MEIKIN: variants seen among roughly 807,000 people sequenced by gnomAD.
MEIKIN encodes the protein meiosis-specific kinetochore protein.
intron 8 of MEIKIN, among the ~76,000 whole-genome samples, chr5:131,891,495 C>A (rs1184621332): frequency 2.0e-5 from 3 of 152,126 alleles, no homozygotes; most frequent in Non-Finnish European, 4.4e-5. Flanking sequence ...CTCTTTTGAT[C>A]TTTGTTGGTT....
At chr5:131,892,048 C>G (rs1750932424) in intron 8 of MEIKIN, among the ~76,000 whole-genome samples, 1 of 152,128 alleles carries the variant, frequency 6.6e-6, no homozygotes, top group East Asian at 1.9e-4. Context: ...TTGGCCCCCA[C>G]TCTCTTCTGG....
At chr5:131,812,396 A>G (rs995556173) in intron 12 of MEIKIN, among the ~76,000 whole-genome samples, 1 of 152,184 alleles carries the variant, frequency 6.6e-6, no homozygotes. Context: ...TTGGTGACAC[A>G]TATATACATT....
intron 5 of MEIKIN, among the ~76,000 whole-genome samples, chr5:131,928,952 C>A (rs116695364): frequency 0.018 from 2,684 of 152,304 alleles, 55 homozygotes; most frequent in African/African-American, 0.046. Flanking sequence ...TGAGTTTCAA[C>A]TTAAATAATT....
intron 8 of MEIKIN, among the ~76,000 whole-genome samples, chr5:131,883,026 G>C (rs181959646): frequency 1.2e-3 from 185 of 152,048 alleles, no homozygotes; most frequent in African/African-American, 4.4e-3. Flanking sequence ...TCTATTTGAC[G>C]TTATATATTT....
At chr5:131,825,731 G>A (rs940342168) in intron 11 of MEIKIN, among the ~76,000 whole-genome samples, 1 of 152,214 alleles carries the variant, frequency 6.6e-6, no homozygotes, top group Non-Finnish European at 1.5e-5. Context: ...ACATTCCTAA[G>A]AAGCAGAATA....
At chr5:131,845,167 C>T (rs1407492632) in intron 11 of MEIKIN, among the ~76,000 whole-genome samples, 1 of 148,998 alleles carries the variant, frequency 6.7e-6, no homozygotes, top group Non-Finnish European at 1.5e-5. Context: ...CTACTCCAGA[C>T]ACTGAGGCAG....
rs925958296 is a variant in MEIKIN, at chr5:131,807,016, T to C, written c.*220A>G. 15 of 352,162 alleles carry C rather than the reference T, an allele frequency of 4.3e-5. No individual in the cohort carries two copies. Among genetic ancestry groups the C allele is most frequent in the Non-Finnish European group, 7.1e-5 (14 of 198,226 alleles). The allele number at this position is 352,162 out of a possible 1,614,324, so 21.8% of individuals were successfully genotyped here. On this transcript the variant is annotated 3_prime_UTR_variant, in exon 13 of 13. Transcript: ENST00000442687. ...TTGGTTCTTTATCTTTTAATATAAA[T>C]ACATATATTTAAGAAGCATATGGAA...
intron 10 of MEIKIN, among the ~76,000 whole-genome samples, chr5:131,853,302 G>T (rs1260540593): frequency 6.6e-6 from 1 of 152,168 alleles, no homozygotes; most frequent in Non-Finnish European, 1.5e-5. Context: ...ATGCATAAGT[G>T]CTGTTACAAA....
chr5:131,851,280 T>C lies in MEIKIN; in HGVS notation c.959A>G (p.Glu320Gly), dbSNP rs1278388305. The change falls in exon 11 of 13, where the codon GAA becomes GGA. Residue 320 changes from glutamate to glycine, a missense_variant. Coordinates refer to ENST00000442687, the MANE Select transcript of MEIKIN (RefSeq NM_001303622.2). ...AAATACTACCTCATTTGAAGAATTT[T>C]CCTGCAAACTTGACACAGGAACAAT... Reference protein sequence around the residue: ...NEIVPVSSLQENSSNEFPANA... With the variant: ...NEIVPVSSLQGNSSNEFPANA... 2.5e-6 allele frequency: 1 copy of C among 398,056 alleles called. No individual in the cohort carries two copies. Among genetic ancestry groups the C allele is most frequent in the African/African-American group, 2.1e-5 (1 of 48,602 alleles). The allele number at this position is 398,056 out of a possible 1,614,324, so 24.7% of individuals were successfully genotyped here. A position where few individuals can be genotyped will look rare whatever the true frequency, so the allele number is the denominator to read the frequency against.
intron 9 of MEIKIN, among the ~76,000 whole-genome samples, chr5:131,858,582 T>C (rs1262409102): frequency 2.6e-5 from 4 of 152,090 alleles, no homozygotes; most frequent in Non-Finnish European, 4.4e-5. Flanking sequence ...AATTGACAAA[T>C]GGGACCTAAT....
At chr5:131,936,440 T>C (rs867496631) in intron 4 of MEIKIN, among the ~76,000 whole-genome samples, 49 of 152,374 alleles carry the variant, frequency 3.2e-4, no homozygotes, top group Middle Eastern at 3.4e-3. Flanking sequence ...ATTATGACTA[T>C]TCAAATATAC....
chr5:131,898,451 T>G (rs931311621), intron 8 of MEIKIN, among the ~76,000 whole-genome samples: 6 of 152,238 alleles, frequency 3.9e-5, no homozygotes, highest in African/African-American at 1.4e-4. Flanking sequence ...ACTGCTGCTC[T>G]CTTCAGAGCT....
intron 7 of MEIKIN, among the ~76,000 whole-genome samples, chr5:131,915,677 A>G (rs1471593230): frequency 1.3e-5 from 2 of 152,212 alleles, no homozygotes; most frequent in African/African-American, 4.8e-5. Context: ...GAGATTCAGC[A>G]TTTACCCAAA....
At chr5:131,903,639 C>G (rs1233962727) in intron 8 of MEIKIN, among the ~76,000 whole-genome samples, 1 of 152,028 alleles carries the variant, frequency 6.6e-6, no homozygotes, top group African/African-American at 2.4e-5. Context: ...AAAAGGAGTG[C>G]TAAATATGGA....
chr5:131,878,379 A>G (rs935624107), intron 9 of MEIKIN, among the ~76,000 whole-genome samples: 2 of 152,140 alleles, frequency 1.3e-5, no homozygotes, highest in Non-Finnish European at 2.9e-5. Flanking sequence ...CATCCTGGCT[A>G]ACACAGTGAA....
At chr5:131,863,394 T>C (rs141120770) in intron 9 of MEIKIN, among the ~76,000 whole-genome samples, 2 of 152,250 alleles carry the variant, frequency 1.3e-5, no homozygotes, top group African/African-American at 2.4e-5. Context: ...GAGTGGGGTG[T>C]TGAAGTCTCC....
intron 8 of MEIKIN, among the ~76,000 whole-genome samples, chr5:131,905,061 C>T (rs1381371048): frequency 6.6e-6 from 1 of 151,998 alleles, no homozygotes; most frequent in Non-Finnish European, 1.5e-5. Context: ...GTGCAGCAAA[C>T]CACCACGTGT....
chr5:131,941,979 G>A (rs1001527773), intron 4 of MEIKIN, among the ~76,000 whole-genome samples: 3 of 152,018 alleles, frequency 2.0e-5, no homozygotes, highest in South Asian at 2.1e-4. Context: ...AGTAGAAGGC[G>A]CCATTATTTC....
intron 4 of MEIKIN, among the ~76,000 whole-genome samples, chr5:131,936,721 A>G (rs1751784579): frequency 6.6e-6 from 1 of 151,968 alleles, no homozygotes; most frequent in African/African-American, 2.4e-5. Context: ...CAGCCTCCTG[A>G]GTAGCTGGGA....
Sources: gnomAD v4.1 joint callset for allele counts (sites outside exome capture counted in the v4.1 genomes callset) on GRCh38, gnomAD v4.1.1 for gene constraint, MANE v1.5 for transcripts, NCBI Gene and HGNC (gene_info 2026-07-23, HGNC 2026-07-21) for gene names.